Variants in RBFOX1 observed in about 807,000 individuals in gnomAD.
RBFOX1 encodes the protein RNA binding fox-1 homolog 1, also known as RNA binding protein fox-1 homolog 1.
A neutral mutation model predicts 57.7 loss-of-function variants in RBFOX1; 8 were observed. The ratio of observed to expected loss-of-function variants is 0.14; its 90% CI spans 0.08 to 0.25. RBFOX1 has a LOEUF of 0.25. Ranked by LOEUF, RBFOX1 falls within the 10% of genes least tolerant of loss-of-function variation. RBFOX1 has a pLI of 1.00. For missense variants in RBFOX1, 611 were observed against 548.5 expected, an observed-to-expected ratio of 1.11 and a Z score of -1.14; for synonymous variants, 326 against 222.4, an observed-to-expected ratio of 1.47 and a Z score of -4.15.
intron 4 of RBFOX1, among the ~76,000 whole-genome samples, chr16:7,163,999 C>G (rs1471374460): frequency 6.6e-6 from 1 of 152,068 alleles, no homozygotes; most frequent in East Asian, 1.9e-4. Flanking sequence ...TTTTGGAGAA[C>G]AGGAGGTGTT....
chr16:5,264,448 T>A (rs2062810817), intron 1 of RBFOX1, among the ~76,000 whole-genome samples: 1 of 152,184 alleles, frequency 6.6e-6, no homozygotes, highest in Admixed American at 6.5e-5. Flanking sequence ...TATAAAATGT[T>A]CATGGGTCAA....
intron 1 of RBFOX1, among the ~76,000 whole-genome samples, chr16:6,298,210 GCCACAC>G (rs1185390959): frequency 1.3e-5 from 2 of 152,172 alleles, no homozygotes; most frequent in African/African-American, 2.4e-5. Flanking sequence ...GAAGAGATGA[GCCACAC>G]CCCTGTCTCA....
At chr16:5,787,062 A>T (rs2151720435) in intron 3 of RBFOX1, among the ~76,000 whole-genome samples, 1 of 152,254 alleles carries the variant, frequency 6.6e-6, no homozygotes, top group South Asian at 2.1e-4. Flanking sequence ...CTTAAACAGG[A>T]GGTGGAGGTT....
At chr16:5,326,730 T>A (rs965624587) in intron 1 of RBFOX1, among the ~76,000 whole-genome samples, 1 of 152,230 alleles carries the variant, frequency 6.6e-6, no homozygotes, top group Non-Finnish European at 1.5e-5. Flanking sequence ...ATTCAAAACC[T>A]GGCAGCCTTG....
chr16:5,879,475 G>C (rs1017105103), intron 4 of RBFOX1, among the ~76,000 whole-genome samples: 4 of 152,184 alleles, frequency 2.6e-5, no homozygotes, highest in African/African-American at 9.7e-5. Flanking sequence ...GACTACAGGT[G>C]TGTGCCACCA....
rs564889164 is a variant in RBFOX1 at position 5,298,968 on chromosome 16, C to T, written c.219+58863C>T. Among the ~76,000 whole-genome samples the T allele has an allele frequency of 1.9e-3, 239 of 129,148 alleles. 1 individual carries two copies. The highest frequency in any genetic ancestry group is 3.2e-3 in the Non-Finnish European group (197 of 61,896). The allele number at this position is 129,148 out of a possible 152,430, so 84.7% of individuals were successfully genotyped here. A position where few individuals can be genotyped will look rare whatever the true frequency, so the allele number is the denominator to read the frequency against. On this transcript the variant is annotated intron_variant, in intron 1 of 2. Transcript: ENST00000585867. ...AATATATACATTAAAATGCACAGAT[C>T]TTAAGCATTCAATTTAATGGGTTTT...
intron 3 of RBFOX1, among the ~76,000 whole-genome samples, chr16:6,970,210 C>G (rs79793401): frequency 0.13 from 18,991 of 151,872 alleles, 1,268 homozygotes; most frequent in South Asian, 0.23. Context: ...ACAAAAAACC[C>G]CAAAATCAAA....
chr16:7,179,277 C>T (rs566806951), intron 4 of RBFOX1, among the ~76,000 whole-genome samples: 34 of 150,944 alleles, frequency 2.3e-4, no homozygotes, highest in African/African-American at 8.3e-4. Context: ...TTTCAGAGTT[C>T]ATGTCCATTG....
Position 7,241,968 on chromosome 16 carries a change from G to T in RBFOX1, c.27+189870G>T, listed in dbSNP as rs75627163. Among the ~76,000 whole-genome samples, 335 of 152,018 alleles carry T rather than the reference G, an allele frequency of 2.2e-3. 4 individuals are homozygous for T. Among genetic ancestry groups the T allele is most frequent in the African/African-American group, 7.8e-3 (322 of 41,460 alleles). Reference sequence around the variant, plus strand: ...GCATATGCGTGTGTATATATTTAAGGGTTTTCAACTTTGGCCCTCTTGATA... The same window carrying T: ...GCATATGCGTGTGTATATATTTAAGTGTTTTCAACTTTGGCCCTCTTGATA... On this transcript the variant is annotated intron_variant, in intron 4 of 15. Coordinates refer to ENST00000550418, the MANE Select transcript of RBFOX1 (RefSeq NM_018723.4).
At chr16:5,741,834 TTTC>T (rs1331498518) in intron 3 of RBFOX1, among the ~76,000 whole-genome samples, 2 of 152,196 alleles carry the variant, frequency 1.3e-5, no homozygotes, top group Non-Finnish European at 2.9e-5. Context: ...GATATAAGAT[TTTC>T]TTCTTTGTAA....
Position 6,183,251 on chromosome 16 carries a change from C to T in RBFOX1, c.-126-133744C>T, listed in dbSNP as rs547231351. Among the ~76,000 whole-genome samples the T allele has an allele frequency of 1.7e-4, 26 of 151,868 alleles. No individual in the cohort carries two copies. In the East Asian group the frequency reaches 3.7e-3, roughly 22 times the overall value. ...ATCCCAGCACTTTGGGAGGCCAAGG[C>T]GGGCAGATCAGGAGGTCAGGAGATC... On this transcript the variant is annotated intron_variant, in intron 1 of 15. Coordinates refer to ENST00000550418, the MANE Select transcript of RBFOX1 (RefSeq NM_018723.4).
At chr16:6,330,999 A>G (rs1330006987) in intron 2 of RBFOX1, among the ~76,000 whole-genome samples, 2 of 152,240 alleles carry the variant, frequency 1.3e-5, no homozygotes, top group African/African-American at 4.8e-5. Flanking sequence ...ATCAAGGTAC[A>G]GACTTCAGAT....
chr16:5,932,997 C>T (rs1396664613), intron 4 of RBFOX1, among the ~76,000 whole-genome samples: 1 of 152,152 alleles, frequency 6.6e-6, no homozygotes, highest in African/African-American at 2.4e-5. Context: ...AGCATGACGC[C>T]ACTTAGCTGT....
chr16:7,614,581 C>T (rs1276552066), intron 10 of RBFOX1: 1 of 152,040 alleles, frequency 6.6e-6, no homozygotes, highest in Non-Finnish European at 1.5e-5. Flanking sequence ...AGAACTGCTC[C>T]CCCCAAAAGC....
chr16:6,838,840 C>G (rs1022582856), intron 3 of RBFOX1, among the ~76,000 whole-genome samples: 2 of 152,140 alleles, frequency 1.3e-5, no homozygotes, highest in Non-Finnish European at 2.9e-5. Flanking sequence ...GGTGCTTCCC[C>G]GTCATACTCT....
intron 3 of RBFOX1, among the ~76,000 whole-genome samples, chr16:6,903,106 G>T (rs564530413): frequency 6.6e-6 from 1 of 152,266 alleles, no homozygotes; most frequent in Admixed American, 6.5e-5. Flanking sequence ...GAAACTTCTT[G>T]GAGGACGCGA....
chr16:5,721,995 C>G (rs1444255468), intron 3 of RBFOX1, among the ~76,000 whole-genome samples: 1 of 152,174 alleles, frequency 6.6e-6, no homozygotes, highest in Non-Finnish European at 1.5e-5. Flanking sequence ...CCCCATAGCA[C>G]AATATTTTTG....
At chr16:7,461,461 C>T (rs749363927) in intron 4 of RBFOX1, among the ~76,000 whole-genome samples, 7 of 151,932 alleles carry the variant, frequency 4.6e-5, no homozygotes, top group Admixed American at 6.6e-5. Flanking sequence ...TCACTGTGCC[C>T]GGCCAAAGTA....
intron 3 of RBFOX1, among the ~76,000 whole-genome samples, chr16:7,016,296 G>A (rs2153663952): frequency 6.6e-6 from 1 of 152,216 alleles, no homozygotes; most frequent in African/African-American, 2.4e-5. Context: ...AGATCCTTCT[G>A]CCATACTATT....
Sources: gnomAD v4.1 joint callset for allele counts (sites outside exome capture counted in the v4.1 genomes callset) on GRCh38, gnomAD v4.1.1 for gene constraint, MANE v1.5 for transcripts, NCBI Gene and HGNC (gene_info 2026-07-23, HGNC 2026-07-21) for gene names.